Variants in FA2H observed in about 807,000 individuals in gnomAD.
FA2H encodes the protein fatty acid 2-hydroxylase, also known as fatty acid alpha-hydroxylase.
A neutral mutation model predicts 44.9 loss-of-function variants in FA2H; 22 were observed. The ratio of observed to expected loss-of-function variants is 0.49; its 90% confidence interval spans 0.35 to 0.70. FA2H has a LOEUF of 0.70. Ranked by LOEUF, FA2H falls within the 30% of genes least tolerant of loss-of-function variation. The pLI is 0.01. For synonymous variants in FA2H, 243 were observed against 213.2 expected (o/e 1.14, Z -1.22); for missense variants, 501 against 504.9 (o/e 0.99, Z 0.07).
At chr16:74,766,587 G>A (rs988606180) in intron 1 of FA2H, among the ~76,000 whole-genome samples, 7 of 152,036 alleles carry the variant, frequency 4.6e-5, no homozygotes, top group African/African-American at 9.7e-5. Context: ...TGAGTGTAGC[G>A]AGGCTCTAGC....
chr16:74,754,037 T>C (rs1205081945), intron 1 of FA2H, among the ~76,000 whole-genome samples: 5 of 152,340 alleles, frequency 3.3e-5, no homozygotes, highest in Middle Eastern at 6.8e-3. Context: ...TAGACCATAG[T>C]TCTCCAATGA....
In FA2H at chr16:74,765,637, G is replaced by A. The variant is rs1962796124; in HGVS notation, c.270+8849C>T. 2.0e-5 allele frequency among the ~76,000 whole-genome samples: 3 copies of A among 152,020 alleles called. No homozygotes were observed. The South Asian group carries it at 6.2e-4, about 32-fold the overall frequency. On this transcript the variant is annotated intron_variant, in intron 1 of 6. Coordinates refer to ENST00000219368, the MANE Select transcript of FA2H (RefSeq NM_024306.5). ...ACTGGAGTACAAATGGTGCAGTCAC[G>A]GCTCACTGCAGCCTTGACCTCCTGG...
intron 2 of FA2H, among the ~76,000 whole-genome samples, chr16:74,731,918 G>T (rs1213045858): frequency 6.6e-6 from 1 of 152,210 alleles, no homozygotes; most frequent in African/African-American, 2.4e-5. Flanking sequence ...TGTTGCCCAA[G>T]TGAGAGTGCG....
rs141119883 is a variant in FA2H at position 74,739,874 on chromosome 16, G to A, written c.363+149C>T. Reference sequence around the variant, plus strand: ...GCCGGAGTTTGCTGTCCCAGGTCATGCCTCTGGGCTGTGGACACCTGCTTC... The same window carrying A: ...GCCGGAGTTTGCTGTCCCAGGTCATACCTCTGGGCTGTGGACACCTGCTTC... On this transcript the variant is annotated intron_variant, in intron 2 of 6. Transcript: ENST00000219368. The A allele has an allele frequency of 1.5e-3, 1,107 of 753,968 alleles. 9 individuals are homozygous for A. In the African/African-American group the frequency reaches 0.016, roughly 11 times the overall value. The allele number at this position is 753,968 out of a possible 1,614,324, so 46.7% of individuals were successfully genotyped here. A position where few individuals can be genotyped will look rare whatever the true frequency, so the allele number is the denominator to read the frequency against.
chr16:74,773,456 G>T (rs1474380092), intron 1 of FA2H, among the ~76,000 whole-genome samples: 1 of 152,098 alleles, frequency 6.6e-6, no homozygotes, highest in East Asian at 1.9e-4. Context: ...GGACAAGGGG[G>T]AACTACTGTA....
rs1335537482 is a variant in FA2H at position 74,720,180 on chromosome 16, C to G, written c.614-1020G>C. 4.4e-4 allele frequency among the ~76,000 whole-genome samples: 21 copies of G among 47,246 alleles called. No homozygotes were observed. The South Asian group carries it at 6.4e-3, about 14-fold the overall frequency. The allele number at this position is 47,246 out of a possible 152,430, so 31.0% of individuals were successfully genotyped here. On this transcript the variant is annotated intron_variant, in intron 4 of 6. Transcript: ENST00000219368. ...TTTGCTCCATATATTCATCCTCATC[C>G]TTTTTTTTTTTTTTTTTTTTTTTTT...
At chr16:74,750,226 C>G (rs1012496705) in intron 1 of FA2H, among the ~76,000 whole-genome samples, 2 of 152,178 alleles carry the variant, frequency 1.3e-5, no homozygotes, top group African/African-American at 4.8e-5. Flanking sequence ...AAGGAAAATA[C>G]ACGTACGACA....
chr16:74,750,776 T>TACAC, intron 1 of FA2H, among the ~76,000 whole-genome samples: 1 of 150,582 alleles, frequency 6.6e-6, no homozygotes, highest in Non-Finnish European at 1.5e-5. Flanking sequence ...TGTGTGTGTG[T>TACAC]GTGTGTGTGT....
intron 1 of FA2H, among the ~76,000 whole-genome samples, chr16:74,769,116 C>T (rs1962859058): frequency 6.6e-6 from 1 of 152,050 alleles, no homozygotes; most frequent in Non-Finnish European, 1.5e-5. Flanking sequence ...TTTATTGAGA[C>T]GGGGTCTCCT....
rs371604032 is a variant in FA2H, at chr16:74,753,541, G to A, written c.271-13426C>T. Among the ~76,000 whole-genome samples the A allele has an allele frequency of 3.9e-5, 6 of 152,222 alleles. No individual in the cohort carries two copies. The East Asian group carries it at 7.7e-4, about 20-fold the overall frequency. On this transcript the variant is annotated intron_variant, in intron 1 of 6. Transcript: ENST00000219368. ...TAAAAATAGCTGGGTGTGGTGGCACGCACCTGTAATAATTCCAGCTACTTG... is the reference window on the plus strand; with the variant it reads ...TAAAAATAGCTGGGTGTGGTGGCACACACCTGTAATAATTCCAGCTACTTG...
At chr16:74,717,405 A>G (rs1961731139) in intron 5 of FA2H, among the ~76,000 whole-genome samples, 1 of 152,220 alleles carries the variant, frequency 6.6e-6, no homozygotes, top group Admixed American at 6.5e-5. Context: ...ACCAGCTCTC[A>G]GGAAAAGGAG....
At chr16:74,747,331 TAAGA>T (rs10557267) in intron 1 of FA2H, among the ~76,000 whole-genome samples, 145,720 of 150,246 alleles carry the variant, frequency 0.97, 70,683 homozygotes, top group East Asian at 1. Context: ...AATAAATAAA[TAAGA>T]AAGAAAGAAA....
At chr16:74,765,902 G>A (rs1962800899) in intron 1 of FA2H, among the ~76,000 whole-genome samples, 1 of 152,178 alleles carries the variant, frequency 6.6e-6, no homozygotes. Flanking sequence ...GTGCCTGTGT[G>A]TGCTAGAGAA....
At chr16:74,731,594 C>A (rs1348567749) in intron 2 of FA2H, among the ~76,000 whole-genome samples, 1 of 151,966 alleles carries the variant, frequency 6.6e-6, no homozygotes, top group Admixed American at 6.6e-5. Flanking sequence ...AATCTTGGCT[C>A]GCTACAGCCT....
intron 1 of FA2H, among the ~76,000 whole-genome samples, chr16:74,743,617 C>T (rs12924250): frequency 6.6e-6 from 1 of 152,190 alleles, no homozygotes; most frequent in Non-Finnish European, 1.5e-5. Context: ...TCTATGGAGG[C>T]TGAGGAAAAG....
intron 2 of FA2H, among the ~76,000 whole-genome samples, chr16:74,728,780 CTTT>C (rs935652907): frequency 7.3e-4 from 83 of 113,946 alleles, no homozygotes; most frequent in Middle Eastern, 4.9e-3. Flanking sequence ...TTATCTCTTT[CTTT>C]TTTTTTTTTT....
In FA2H at chr16:74,766,011, A is replaced by G. The variant is rs545687107; in HGVS notation, c.270+8475T>C. On this transcript the variant is annotated intron_variant, in intron 1 of 6. Coordinates refer to ENST00000219368, the MANE Select transcript of FA2H (RefSeq NM_024306.5). ...AGCCACAGTGGAAATATGTTAAATA[A>G]GAAAGAATGTTATCTGCTGGGTGTG... 5.9e-5 allele frequency among the ~76,000 whole-genome samples: 9 copies of G among 152,300 alleles called. No homozygotes were observed. In the South Asian group the frequency reaches 1.5e-3, roughly 25 times the overall value.
intron 1 of FA2H, among the ~76,000 whole-genome samples, chr16:74,763,405 G>A (rs140908480): frequency 2.6e-5 from 4 of 151,908 alleles, no homozygotes; most frequent in Non-Finnish European, 4.4e-5. Context: ...TTACAGGCAC[G>A]CACCACCACA....
At position 74,716,370 on chromosome 16, in the gene FA2H, T is replaced by C; in HGVS notation, c.1016A>G (p.His339Arg). 1 of 1,613,876 alleles carries C rather than the reference T, an allele frequency of 6.2e-7. No individual in the cohort carries two copies. Among genetic ancestry groups the C allele is most frequent in the Non-Finnish European group, 8.5e-7 (1 of 1,179,970 alleles). ...ACCTGACTTCTGATGTGCAAAGTGGTGCTTGACGTGGTGGGCCTTCAGGCT... is the reference window on the plus strand; with the variant it reads ...ACCTGACTTCTGATGTGCAAAGTGGCGCTTGACGTGGTGGGCCTTCAGGCT... ...LYSLKAHHVK[H>R]HFAHQKSGFG... Residue 339 changes from histidine (H) to arginine (R), a missense_variant, in exon 6 of 7, where the codon CAC becomes CGC. Coordinates refer to ENST00000219368, the MANE Select transcript of FA2H (RefSeq NM_024306.5).
Sources: allele counts gnomAD v4.1 joint callset (sites outside exome capture counted in the v4.1 genomes callset), GRCh38; gene constraint gnomAD v4.1.1; transcripts MANE v1.5; gene names NCBI Gene and HGNC (gene_info 2026-07-23, HGNC 2026-07-21).